APBA1: variants seen among roughly 807,000 people sequenced by gnomAD.
APBA1 encodes amyloid-beta A4 precursor protein-binding family A member 1.
Under a neutral mutation model 86.6 loss-of-function variants are expected in APBA1, and 55 were observed. The observed-to-expected ratio is 0.64, with a 90% CI of 0.51 to 0.80. The LOEUF is 0.80. APBA1 is among the 30% of genes least tolerant of loss of function. The pLI is 0.00. For missense variants in APBA1, 1,090 were observed against 1,183.0 expected (o/e 0.92, Z 1.15); for synonymous variants, 511 against 493.9 (o/e 1.03, Z -0.46).
At chr9:69,636,760 A>T (rs1588405249) in intron 1 of APBA1, among the ~76,000 whole-genome samples, 1 of 140,670 alleles carries the variant, frequency 7.1e-6, no homozygotes, top group African/African-American at 2.6e-5. Context: ...GCACCACTGC[A>T]CCCAAGCCTG....
At chr9:69,481,610 G>A (rs866427204) in intron 2 of APBA1, among the ~76,000 whole-genome samples, 1 of 140,392 alleles carries the variant, frequency 7.1e-6, no homozygotes, top group Non-Finnish European at 1.5e-5. Context: ...CACAGAATTG[G>A]AAAAAACTAC....
intron 1 of APBA1, among the ~76,000 whole-genome samples, chr9:69,656,827 T>C (rs993488350): frequency 2.0e-5 from 3 of 148,402 alleles, no homozygotes; most frequent in Non-Finnish European, 4.4e-5. Context: ...CACTTAAGAA[T>C]AACCGGGAGA....
At chr9:69,468,672 T>A (rs936673193) in intron 4 of APBA1, among the ~76,000 whole-genome samples, 3 of 152,210 alleles carry the variant, frequency 2.0e-5, no homozygotes, top group African/African-American at 7.2e-5. Flanking sequence ...AAAATCAAAT[T>A]TTCTGTTCTA....
chr9:69,585,113 G>T (rs1175350805), intron 1 of APBA1, among the ~76,000 whole-genome samples: 2 of 152,144 alleles, frequency 1.3e-5, no homozygotes, highest in African/African-American at 2.4e-5. Context: ...CAAAACAAAG[G>T]CCCTGCCCTT....
rs1834529996 is a variant in APBA1, at chr9:69,428,575, CTG to C, written c.*2750_*2751del. On this transcript the variant is annotated 3_prime_UTR_variant, in exon 13 of 13. Transcript: ENST00000265381. ...CCCTGGTGGAGCAGCCACAGCAGCT[CTG>C]TGCCCTCACAGCGTTTGGGAAGGCT... 1 of 152,266 alleles carries C rather than the reference CTG, an allele frequency of 6.6e-6. No homozygotes were observed. Among genetic ancestry groups the C allele is most frequent in the Non-Finnish European group, 1.5e-5 (1 of 68,066 alleles). The allele number at this position is 152,266 out of a possible 1,614,324, so 9.4% of individuals were successfully genotyped here.
At chr9:69,459,265 T>C (rs754971081) in intron 5 of APBA1, among the ~76,000 whole-genome samples, 17 of 152,244 alleles carry the variant, frequency 1.1e-4, no homozygotes, top group Non-Finnish European at 2.1e-4. Context: ...ATGCATTCCG[T>C]AGTTGTTAGG....
intron 1 of APBA1, among the ~76,000 whole-genome samples, chr9:69,638,401 C>T (rs1001777197): frequency 6.6e-6 from 1 of 152,094 alleles, no homozygotes; most frequent in African/African-American, 2.4e-5. Context: ...CCACCATGCC[C>T]AGCTAATTTT....
chr9:69,515,889 T>C (rs559357896), intron 2 of APBA1, 122 bp downstream of exon 2: 2 of 1,098,728 alleles, frequency 1.8e-6, no homozygotes, highest in South Asian at 3.8e-5. Flanking sequence ...GGTGGAAAAG[T>C]TCTTAGCGTC....
chr9:69,483,200 G>A (rs931072789), intron 2 of APBA1, among the ~76,000 whole-genome samples: 3 of 151,322 alleles, frequency 2.0e-5, no homozygotes, highest in Non-Finnish European at 2.9e-5. Context: ...TCCTCTGAGA[G>A]GAAGGCTGCG....
At chr9:69,573,469 GTAAAA>G (rs1837148375) in intron 1 of APBA1, among the ~76,000 whole-genome samples, 1 of 152,062 alleles carries the variant, frequency 6.6e-6, no homozygotes, top group Non-Finnish European at 1.5e-5. Context: ...CTCAAAAATA[GTAAAA>G]TAAAATACAA....
chr9:69,503,793 C>T (rs1033204991), intron 2 of APBA1, among the ~76,000 whole-genome samples: 15 of 152,036 alleles, frequency 9.9e-5, no homozygotes, highest in African/African-American at 3.6e-4. Context: ...GAGCGGCAGG[C>T]CACATGGGAT....
At chr9:69,634,607 A>T (rs180988624) in intron 1 of APBA1, among the ~76,000 whole-genome samples, 1 of 152,322 alleles carries the variant, frequency 6.6e-6, no homozygotes, top group Non-Finnish European at 1.5e-5. Context: ...AGATATCAAT[A>T]TTCAAGTATA....
At position 69,431,247 on chromosome 9, in the gene APBA1, A is replaced by C. The variant is rs1436671159; in HGVS notation, c.*80T>G. ...GCTGGGCGCGAGAGGGGAAAGTCTC[A>C]GTGGACACAGGGATGCAGCACGAGA... is the stretch of plus-strand genomic sequence containing the variant. On this transcript the variant is annotated 3_prime_UTR_variant, in exon 13 of 13. Transcript: ENST00000265381. 2.2e-5 allele frequency: 25 copies of C among 1,129,840 alleles called. No homozygotes were observed. Among genetic ancestry groups the C allele is most frequent in the Non-Finnish European group, 3.0e-5 (24 of 804,096 alleles). The allele number at this position is 1,129,840 out of a possible 1,614,324, so 70.0% of individuals were successfully genotyped here. A position where few individuals can be genotyped will look rare whatever the true frequency, so the allele number is the denominator to read the frequency against.
chr9:69,475,954 A>G (rs1564047282), intron 3 of APBA1, 94 bp downstream of exon 3: 7 of 981,544 alleles, frequency 7.1e-6, no homozygotes, highest in Non-Finnish European at 9.6e-6. Flanking sequence ...AATGTGGGTC[A>G]GGAGCGCTGT....
chr9:69,572,959 G>T (rs547666834), intron 1 of APBA1, among the ~76,000 whole-genome samples: 1 of 152,190 alleles, frequency 6.6e-6, no homozygotes, highest in East Asian at 1.9e-4. Context: ...GTGGGGAGAG[G>T]TATTTATAGA....
At position 69,488,397 on chromosome 9, in the gene APBA1, C is replaced by T. The variant is rs568163173; in HGVS notation, c.1201-12254G>A. ...GTACTACTTCTCTGTTCTAAGAATT[C>T]GTGTACAGTTGGAACTACAACCTAG... On this transcript the variant is annotated intron_variant, in intron 2 of 12. Coordinates refer to ENST00000265381, the MANE Select transcript of APBA1 (RefSeq NM_001163.4). Among the ~76,000 whole-genome samples the T allele has an allele frequency of 2.6e-5, 4 of 152,076 alleles. 1 individual carries two copies. Among genetic ancestry groups the T allele is most frequent in the African/African-American group, 9.6e-5 (4 of 41,478 alleles).
intron 1 of APBA1, among the ~76,000 whole-genome samples, chr9:69,571,416 T>C (rs1837112520): frequency 6.6e-6 from 1 of 152,182 alleles, no homozygotes; most frequent in South Asian, 2.1e-4. Context: ...ACATTTAATA[T>C]GCATAGGGAA....
chr9:69,585,410 G>A (rs540550860), intron 1 of APBA1, among the ~76,000 whole-genome samples: 1 of 152,200 alleles, frequency 6.6e-6, no homozygotes, highest in African/African-American at 2.4e-5. Context: ...GGAAAGGGGT[G>A]TGTGCCCGCT....
At chr9:69,515,248 C>A (rs569849515) in intron 2 of APBA1, among the ~76,000 whole-genome samples, 2 of 152,284 alleles carry the variant, frequency 1.3e-5, no homozygotes, top group South Asian at 2.1e-4. Flanking sequence ...CCCATTCTTT[C>A]TTCACAAACG....
Sources: gnomAD v4.1 joint callset for allele counts (sites outside exome capture counted in the v4.1 genomes callset) on GRCh38, gnomAD v4.1.1 for gene constraint, MANE v1.5 for transcripts, NCBI Gene and HGNC (gene_info 2026-07-23, HGNC 2026-07-21) for gene names.